PTBP3: variants seen among roughly 807,000 people sequenced by gnomAD.
The protein encoded by PTBP3 is polypyrimidine tract binding protein 3.
PTBP3 carries 20 observed loss-of-function variants against 58.7 expected under a neutral mutation model. The observed-to-expected ratio is 0.34, with a 90% CI of 0.24 to 0.50. The LOEUF is 0.50. Among genes scored for constraint, PTBP3 ranks in the 20% least tolerant of loss-of-function variants. PTBP3 has a pLI of 0.98. For synonymous variants in PTBP3, 185 were observed against 219.8 expected (o/e 0.84, Z 1.40); for missense variants, 509 against 637.2 (o/e 0.80, Z 2.17).
chr9:112,320,785 A>G (rs1379962693), intron 1 of PTBP3, among the ~76,000 whole-genome samples: 2 of 152,234 alleles, frequency 1.3e-5, no homozygotes, highest in Non-Finnish European at 2.9e-5. Context: ...AACACAATTC[A>G]GTCTGGAGAG....
chr9:112,367,499 G>A, the PTBP3 span, among the ~76,000 whole-genome samples: 1 of 152,122 alleles, frequency 6.6e-6, no homozygotes, highest in South Asian at 2.1e-4. Context: ...CTGAAGGACA[G>A]CATTACTGAC....
At chr9:112,264,198 A>G (rs891648660) in intron 4 of PTBP3, among the ~76,000 whole-genome samples, 17 of 152,210 alleles carry the variant, frequency 1.1e-4, no homozygotes, top group African/African-American at 3.6e-4. Context: ...AAATGTAAAG[A>G]AGGTATTTCT....
the PTBP3 span, among the ~76,000 whole-genome samples, chr9:112,343,045 A>G: frequency 6.6e-6 from 1 of 151,734 alleles, no homozygotes; most frequent in African/African-American, 2.4e-5. Flanking sequence ...AGGAACCAAG[A>G]CTCCTCAGAG....
At chr9:112,374,288 T>A in the PTBP3 span, among the ~76,000 whole-genome samples, 1 of 152,136 alleles carries the variant, frequency 6.6e-6, no homozygotes, top group Non-Finnish European at 1.5e-5. Flanking sequence ...CATTGTTGTG[T>A]CTCCTGGTGG....
At chr9:112,378,740 T>C in the PTBP3 span, among the ~76,000 whole-genome samples, 1 of 152,244 alleles carries the variant, frequency 6.6e-6, no homozygotes, top group East Asian at 1.9e-4. Flanking sequence ...AGCTGCTGTA[T>C]CTCAGGTAAT....
the PTBP3 span, among the ~76,000 whole-genome samples, chr9:112,366,220 T>C: frequency 5.3e-5 from 8 of 151,910 alleles, no homozygotes; most frequent in African/African-American, 1.4e-4. Context: ...GAAGCGGAGA[T>C]TGCAGTGAGC....
the PTBP3 span, among the ~76,000 whole-genome samples, chr9:112,363,520 A>T: frequency 3.6e-4 from 37 of 104,006 alleles, no homozygotes; most frequent in Admixed American, 9.5e-4. Context: ...AAACTGTCAC[A>T]CACACACACA....
chr9:112,259,743 A>G (rs1320654332), intron 5 of PTBP3, among the ~76,000 whole-genome samples: 1 of 152,216 alleles, frequency 6.6e-6, no homozygotes, highest in African/African-American at 2.4e-5. Context: ...AGAATATAAT[A>G]AAATAATTCG....
chr9:112,221,731 G>C lies in PTBP3; in HGVS notation c.*2120C>G, dbSNP rs1834814677. 1 of 984,948 alleles carries C rather than the reference G, an allele frequency of 1.0e-6. No individual in the cohort carries two copies. Among genetic ancestry groups the C allele is most frequent in the African/African-American group, 1.7e-5 (1 of 57,196 alleles). 61.0% of individuals were successfully genotyped at this position (984,948 alleles called of 1,614,324 possible). On this transcript the variant is annotated 3_prime_UTR_variant, in exon 14 of 14. Coordinates refer to ENST00000374257, the MANE Select transcript of PTBP3 (RefSeq NM_001163788.4). ...GATCCATTTGAAAAGTCTTAACTTA[G>C]TATCCCTCCTTTCTATTCTACCAAC...
At chr9:112,347,499 G>A in the PTBP3 span, among the ~76,000 whole-genome samples, 5 of 151,910 alleles carry the variant, frequency 3.3e-5, no homozygotes, top group South Asian at 2.1e-4. Context: ...GTGCCACCAC[G>A]CCTGGCTAAT....
the PTBP3 span, among the ~76,000 whole-genome samples, chr9:112,377,904 T>C: frequency 6.6e-6 from 1 of 152,234 alleles, no homozygotes; most frequent in East Asian, 1.9e-4. Flanking sequence ...CCAGGTTCCA[T>C]ATCTTGAGTA....
At chr9:112,333,124 G>C in intron 1 of PTBP3, 2 of 1,257,604 alleles carry the variant, frequency 1.6e-6, no homozygotes, top group South Asian at 2.9e-5. Flanking sequence ...AGGAAGTGTC[G>C]GGAGGCCGAG....
intron 1 of PTBP3, among the ~76,000 whole-genome samples, chr9:112,316,731 G>A (rs897921893): frequency 2.6e-5 from 4 of 151,996 alleles, no homozygotes; most frequent in African/African-American, 9.7e-5. Flanking sequence ...CTTGAGGTCA[G>A]TGAGTTAATT....
intron 2 of PTBP3, among the ~76,000 whole-genome samples, chr9:112,287,203 G>A (rs1206220646): frequency 1.3e-5 from 2 of 151,920 alleles, no homozygotes; most frequent in Non-Finnish European, 2.9e-5. Context: ...GAAGATTTAG[G>A]ATAATTTCTT....
At chr9:112,267,485 T>A in intron 4 of PTBP3, among the ~76,000 whole-genome samples, 1 of 152,210 alleles carries the variant, frequency 6.6e-6, no homozygotes, top group East Asian at 1.9e-4. Context: ...GTATAAAGAT[T>A]TTCTGTCCTT....
intron 2 of PTBP3, among the ~76,000 whole-genome samples, chr9:112,276,806 TA>T (rs1827630302): frequency 1.3e-5 from 2 of 152,294 alleles, no homozygotes; most frequent in African/African-American, 4.8e-5. Flanking sequence ...TGAGAATAAC[TA>T]GAATTGACAA....
At chr9:112,338,991 C>A in the PTBP3 span, among the ~76,000 whole-genome samples, 2 of 152,102 alleles carry the variant, frequency 1.3e-5, no homozygotes, top group Non-Finnish European at 2.9e-5. Context: ...GGGAGTATTC[C>A]TCTCCCTGTT....
chr9:112,229,362 G>A (rs529869083), intron 10 of PTBP3, among the ~76,000 whole-genome samples: 1 of 151,972 alleles, frequency 6.6e-6, no homozygotes, highest in Non-Finnish European at 1.5e-5. Context: ...TCAGGAATTC[G>A]AGACCAGCCT....
At chr9:112,264,677 TA>T (rs1836727547) in intron 4 of PTBP3, among the ~76,000 whole-genome samples, 1 of 152,172 alleles carries the variant, frequency 6.6e-6, no homozygotes, top group African/African-American at 2.4e-5. Context: ...TTTGAATTTT[TA>T]AAAAATTATT....
Sources: gnomAD v4.1 joint callset for allele counts (sites outside exome capture counted in the v4.1 genomes callset) on GRCh38, gnomAD v4.1.1 for gene constraint, MANE v1.5 for transcripts, NCBI Gene and HGNC (gene_info 2026-07-23, HGNC 2026-07-21) for gene names.